Variants in IL34 observed in about 807,000 individuals in gnomAD.
IL34 encodes interleukin 34, also known as interleukin-34.
In IL34, 17 loss-of-function variants were observed where a neutral mutation model predicts 25.3. The observed-to-expected ratio is 0.67, with a 90% CI of 0.46 to 1.01. IL34 has a LOEUF of 1.01. Ranked by LOEUF, IL34 falls within the 50% of genes least tolerant of loss-of-function variation. The pLI, the probability that IL34 is intolerant of heterozygous loss-of-function variation, is 0.00. For missense variants in IL34, 368 were observed against 312.9 expected (o/e 1.18, Z -1.33); for synonymous variants, 174 against 140.9 (o/e 1.23, Z -1.66).
intron 1 of IL34, among the ~76,000 whole-genome samples, chr16:70,626,546 G>A (rs35257223): frequency 0.057 from 8,626 of 152,076 alleles, 319 homozygotes; most frequent in East Asian, 0.089. Flanking sequence ...ACAGGCATGC[G>A]CCACCACGCC....
At chr16:70,649,016 C>G (rs1323330209) in intron 1 of IL34, among the ~76,000 whole-genome samples, 1 of 152,120 alleles carries the variant, frequency 6.6e-6, no homozygotes, top group Non-Finnish European at 1.5e-5. Context: ...ACACTAGTCA[C>G]TGGATTTAGG....
chr16:70,646,216 C>T (rs970081322), upstream of IL34, among the ~76,000 whole-genome samples: 8 of 152,108 alleles, frequency 5.3e-5, no homozygotes, highest in East Asian at 3.9e-4. Context: ...GGCTTGTTTT[C>T]GGAGTGGGAG....
Position 70,600,966 on chromosome 16 carries a change from A to G in IL34, c.-401+20917A>G, listed in dbSNP as rs190578818. 3.1e-3 allele frequency among the ~76,000 whole-genome samples: 455 copies of G among 148,650 alleles called. 2 individuals are homozygous for G. The highest frequency in any genetic ancestry group is 0.011 in the African/African-American group (426 of 38,822). The stretch of plus-strand genomic sequence containing the variant: ...TGGGAGGAGTAGGGGATGCTGGGAG[A>G]AGTAGGGGATGCTGGGAGAAGTAGG... On this transcript the variant is annotated intron_variant, in intron 1 of 6. Transcript: ENST00000429149.
chr16:70,641,823 C>T (rs543945309), upstream of IL34, among the ~76,000 whole-genome samples: 2 of 151,718 alleles, frequency 1.3e-5, no homozygotes, highest in South Asian at 2.1e-4. Flanking sequence ...CCCCCGCAAC[C>T]TCCCAAAGTG....
At chr16:70,610,840 G>A (rs961947998) in intron 1 of IL34, among the ~76,000 whole-genome samples, 16 of 152,236 alleles carry the variant, frequency 1.1e-4, no homozygotes, top group Non-Finnish European at 1.8e-4. Flanking sequence ...CCTCAAGCCT[G>A]CCGGGAAGCC....
chr16:70,581,521 C>A (rs16970338), intron 1 of IL34, among the ~76,000 whole-genome samples: 1,770 of 151,886 alleles, frequency 0.012, 40 homozygotes, highest in African/African-American at 0.04. Context: ...GCTCAGCTCA[C>A]GGTATGTGTG....
intron 1 of IL34, among the ~76,000 whole-genome samples, chr16:70,590,817 TC>T (rs988612564): frequency 6.6e-5 from 10 of 151,930 alleles, no homozygotes; most frequent in African/African-American, 2.4e-4. Flanking sequence ...CCCAAACCCG[TC>T]CCCCCGCAAG....
At chr16:70,600,696 C>A (rs143443487) in intron 1 of IL34, among the ~76,000 whole-genome samples, 1 of 152,112 alleles carries the variant, frequency 6.6e-6, no homozygotes, top group African/African-American at 2.4e-5. Flanking sequence ...TTAGGCTTGA[C>A]GAAATGAGGT....
intron 1 of IL34, among the ~76,000 whole-genome samples, chr16:70,631,118 G>A (rs1371220309): frequency 6.6e-6 from 1 of 152,210 alleles, no homozygotes; most frequent in Non-Finnish European, 1.5e-5. Context: ...ACTGTGTTAT[G>A]TTATATTAAG....
upstream of IL34, among the ~76,000 whole-genome samples, chr16:70,645,329 C>T (rs183932648): frequency 6.6e-6 from 1 of 152,210 alleles, no homozygotes; most frequent in Admixed American, 6.5e-5. Context: ...AGGGTAAGGG[C>T]CAGCATTCTT....
In IL34 at chr16:70,656,661, C is replaced by T. The variant is rs755884962; in HGVS notation, c.222C>T (p.Ile74=). The stretch of plus-strand genomic sequence containing the variant: ...TGCCTTACGAGGGGGTGTTCAGAAT[C>T]GCCAACGTCACCAGGCTGGTGAGAA... ...ISVPYEGVFR[I]ANVTRLQRAQ... The change falls in exon 3 of 6, where the codon ATC becomes ATT. Residue 74 remains isoleucine (I), a synonymous_variant. Coordinates refer to ENST00000288098, the MANE Select transcript of IL34 (RefSeq NM_001393494.1). 1.1e-5 allele frequency: 16 copies of T among 1,414,798 alleles called. No individual in the cohort carries two copies. The highest frequency in any genetic ancestry group is 6.7e-5 in the Admixed American group (4 of 59,780). 87.6% of individuals were successfully genotyped at this position (1,414,798 alleles called of 1,614,324 possible). A position where few individuals can be genotyped will look rare whatever the true frequency, so the allele number is the denominator to read the frequency against.
At chr16:70,590,454 C>T (rs1002227062) in intron 1 of IL34, among the ~76,000 whole-genome samples, 6 of 152,164 alleles carry the variant, frequency 3.9e-5, no homozygotes, top group South Asian at 2.1e-4. Flanking sequence ...GTACCTCCGA[C>T]GCTGTGCACC....
intron 1 of IL34, among the ~76,000 whole-genome samples, chr16:70,616,168 G>T (rs577142395): frequency 3.0e-4 from 46 of 152,232 alleles, no homozygotes; most frequent in African/African-American, 1.1e-3. Context: ...TCTCATACAC[G>T]TGGCCTGTTG....
chr16:70,604,496 G>C (rs1166157145), intron 1 of IL34, among the ~76,000 whole-genome samples: 2 of 152,218 alleles, frequency 1.3e-5, no homozygotes, highest in East Asian at 3.9e-4. Flanking sequence ...CCAGCAGCCT[G>C]TGGGTGTCTG....
intron 1 of IL34, among the ~76,000 whole-genome samples, chr16:70,609,996 G>C (rs1345416127): frequency 6.6e-6 from 1 of 152,194 alleles, no homozygotes; most frequent in Non-Finnish European, 1.5e-5. Flanking sequence ...CTGAGGTCTG[G>C]AGTTTGAGAC....
intron 1 of IL34, among the ~76,000 whole-genome samples, chr16:70,599,361 C>CTCTT (rs907558278): frequency 1.0e-5 from 1 of 98,698 alleles, no homozygotes; most frequent in Non-Finnish European, 2.2e-5. Context: ...TTCTCTCTTT[C>CTCTT]TCTTTCTTTC....
intron 1 of IL34, among the ~76,000 whole-genome samples, chr16:70,618,323 G>C (rs2051206648): frequency 6.6e-6 from 1 of 152,034 alleles, no homozygotes; most frequent in Non-Finnish European, 1.5e-5. Flanking sequence ...TACAGTCATG[G>C]GGGTCAGGTG....
chr16:70,658,840 A>T (rs1175295702), intron 4 of IL34, among the ~76,000 whole-genome samples: 1 of 152,188 alleles, frequency 6.6e-6, no homozygotes, highest in South Asian at 2.1e-4. Flanking sequence ...GACATCAGGC[A>T]TTGGATTTAG....
intron 1 of IL34, among the ~76,000 whole-genome samples, chr16:70,638,589 A>G (rs11859014): frequency 0.016 from 2,479 of 151,690 alleles, 71 homozygotes; most frequent in African/African-American, 0.057. Context: ...CTTTCCCATG[A>G]TATTTTATAC....
Sources: allele counts gnomAD v4.1 joint callset (sites outside exome capture counted in the v4.1 genomes callset), GRCh38; gene constraint gnomAD v4.1.1; transcripts MANE v1.5; gene names NCBI Gene and HGNC (gene_info 2026-07-23, HGNC 2026-07-21).